The following GPM6A variants were observed in gnomAD, a reference collection of about 807,000 sequenced individuals.
The protein encoded by GPM6A is neuronal membrane glycoprotein M6-a.
In GPM6A, 7 loss-of-function variants were observed where a neutral mutation model predicts 32.1. That is an observed-to-expected ratio of 0.22 (90% CI 0.12 to 0.41). The LOEUF (loss-of-function observed/expected upper bound fraction) is 0.41. Among genes scored for constraint, GPM6A ranks in the 10% least tolerant of loss-of-function variants. The pLI, the probability that GPM6A is intolerant of heterozygous loss-of-function variation, is 1.00. For synonymous variants in GPM6A, 130 were observed against 123.4 expected (o/e 1.05, Z -0.35); for missense variants, 235 against 347.2 (o/e 0.68, Z 2.57).
chr4:175,787,009 T>G (rs993643649), intron 1 of GPM6A: 1 of 243,922 alleles, frequency 4.1e-6, no homozygotes, highest in Admixed American at 5.5e-5. Context: ...CTCCCCCAAT[T>G]GACCTCCCTC....
chr4:175,721,107 AT>A (rs1438875825), intron 1 of GPM6A, among the ~76,000 whole-genome samples: 1 of 144,810 alleles, frequency 6.9e-6, no homozygotes, highest in African/African-American at 2.5e-5. Flanking sequence ...TCTAGTATAT[AT>A]ATATATTTTC....
intron 2 of GPM6A, among the ~76,000 whole-genome samples, chr4:175,691,139 T>A (rs1744273826): frequency 6.6e-6 from 1 of 152,194 alleles, no homozygotes; most frequent in African/African-American, 2.4e-5. Context: ...AAAATTAAAC[T>A]CTTACTTATC....
chr4:175,646,999 T>A (rs564926450), intron 4 of GPM6A, among the ~76,000 whole-genome samples: 1 of 152,370 alleles, frequency 6.6e-6, no homozygotes, highest in South Asian at 2.1e-4. Flanking sequence ...AGTGACTGGC[T>A]TTCTGTGTGG....
intron 1 of GPM6A, among the ~76,000 whole-genome samples, chr4:175,716,699 T>C (rs995454060): frequency 1.3e-5 from 2 of 152,126 alleles, no homozygotes; most frequent in Admixed American, 1.3e-4. Flanking sequence ...TTCAGAACTA[T>C]TAAATTCCAA....
At chr4:175,709,813 A>G (rs1745432860) in intron 1 of GPM6A, among the ~76,000 whole-genome samples, 1 of 152,036 alleles carries the variant, frequency 6.6e-6, no homozygotes, top group Non-Finnish European at 1.5e-5. Context: ...TCCCAGCTTC[A>G]TAGTGGGGAT....
intron 1 of GPM6A, among the ~76,000 whole-genome samples, chr4:175,964,292 AAACAAAC>A (rs931774428): frequency 1.1e-5 from 1 of 92,196 alleles, no homozygotes; most frequent in Non-Finnish European, 3.3e-5. Flanking sequence ...GTCCAAAAAC[AAACAAAC>A]AACAACAACA....
intron 2 of GPM6A, 142 bp from the exon 3 acceptor site, chr4:175,673,978 G>T: frequency 8.8e-6 from 5 of 569,482 alleles, no homozygotes; most frequent in Non-Finnish European, 1.2e-5. Flanking sequence ...TTAAAAACAT[G>T]TTTGCTTCAT....
chr4:175,637,094 CATATATAATATATTATATGTGATATATA>C (rs1560841374), intron 6 of GPM6A, among the ~76,000 whole-genome samples: 1 of 115,640 alleles, frequency 8.6e-6, no homozygotes, highest in East Asian at 2.5e-4. Flanking sequence ...TATAATATAT[CATATATAATATATTATATGTGATATATA>C]ATATATAATA....
At chr4:175,650,269 ATT>A (rs202144152) in intron 4 of GPM6A, among the ~76,000 whole-genome samples, 2 of 142,322 alleles carry the variant, frequency 1.4e-5, no homozygotes. Flanking sequence ...TGATTTCATT[ATT>A]TTATTTATTT....
chr4:175,948,995 T>TGTTG, intron 1 of GPM6A, among the ~76,000 whole-genome samples: 1 of 95,630 alleles, frequency 1.0e-5, no homozygotes, highest in South Asian at 3.1e-4. Context: ...GTGTGTGTGT[T>TGTTG]GGGGGGATGT....
intron 3 of GPM6A, among the ~76,000 whole-genome samples, chr4:175,658,122 A>T (rs980271410): frequency 1.3e-5 from 2 of 152,186 alleles, no homozygotes; most frequent in Non-Finnish European, 2.9e-5. Context: ...TGTTACGCTT[A>T]TAACAACTTT....
chr4:175,720,605 TAC>T (rs1384746619), intron 1 of GPM6A, among the ~76,000 whole-genome samples: 1 of 152,188 alleles, frequency 6.6e-6, no homozygotes, highest in Non-Finnish European at 1.5e-5. Flanking sequence ...CTGCATTTCA[TAC>T]AGAGTTTGGC....
intron 2 of GPM6A, among the ~76,000 whole-genome samples, chr4:175,682,344 C>A (rs1038358396): frequency 1.3e-4 from 19 of 151,824 alleles, no homozygotes; most frequent in Admixed American, 4.6e-4. Flanking sequence ...GGAAGCATAG[C>A]ATAAAAGTTT....
At chr4:175,912,287 T>G (rs78307365) in intron 1 of GPM6A, among the ~76,000 whole-genome samples, 87 of 152,314 alleles carry the variant, frequency 5.7e-4, no homozygotes, top group African/African-American at 2.1e-3. Flanking sequence ...ACAAGGAAGA[T>G]GAGAAATACT....
intron 3 of GPM6A, among the ~76,000 whole-genome samples, chr4:175,666,362 A>G (rs917802621): frequency 1.3e-5 from 2 of 152,234 alleles, no homozygotes; most frequent in Admixed American, 1.3e-4. Flanking sequence ...GTAGTGGTTA[A>G]TCTCAAAATG....
intron 1 of GPM6A, among the ~76,000 whole-genome samples, chr4:175,877,650 C>A (rs542302091): frequency 1.3e-5 from 2 of 152,184 alleles, no homozygotes; most frequent in African/African-American, 4.8e-5. Flanking sequence ...GTTATCTCCA[C>A]CTGGTCCCAC....
At chr4:175,637,274 T>TTATATAAAA (rs1740728952) in intron 6 of GPM6A, among the ~76,000 whole-genome samples, 5 of 69,636 alleles carry the variant, frequency 7.2e-5, no homozygotes, top group South Asian at 7.6e-4. Flanking sequence ...ATATTATATA[T>TTATATAAAA]TATATATTAT....
At chr4:175,933,077 A>G (rs1269532942) in intron 1 of GPM6A, among the ~76,000 whole-genome samples, 2 of 152,074 alleles carry the variant, frequency 1.3e-5, no homozygotes, top group African/African-American at 4.8e-5. Context: ...ATAAAGAAAT[A>G]AATAAGAGTG....
intron 4 of GPM6A, among the ~76,000 whole-genome samples, chr4:175,650,986 T>C (rs1338919043): frequency 6.6e-6 from 1 of 152,216 alleles, no homozygotes; most frequent in Non-Finnish European, 1.5e-5. Flanking sequence ...TCAAATAGGC[T>C]GAGATTATAC....
Sources: gnomAD v4.1 joint callset for allele counts (sites outside exome capture counted in the v4.1 genomes callset) on GRCh38, gnomAD v4.1.1 for gene constraint, MANE v1.5 for transcripts, NCBI Gene and HGNC (gene_info 2026-07-23, HGNC 2026-07-21) for gene names.